BRD4: variants seen among roughly 807,000 people sequenced by gnomAD.
The protein encoded by BRD4 is bromodomain-containing protein 4.
In BRD4, 16 loss-of-function variants were observed where a neutral mutation model predicts 142.1. The observed-to-expected ratio is 0.11, with a 90% CI of 0.08 to 0.17. BRD4 has a LOEUF of 0.17. BRD4 is among the 10% of genes least tolerant of loss of function. The pLI is 1.00. For missense variants in BRD4, 1,424 were observed against 1,810.9 expected (o/e 0.79, Z 3.88); for synonymous variants, 833 against 707.5 (o/e 1.18, Z -2.82).
intron 1 of BRD4, among the ~76,000 whole-genome samples, chr19:15,290,303 T>C (rs2047772218): frequency 6.6e-6 from 1 of 152,184 alleles, no homozygotes; most frequent in Non-Finnish European, 1.5e-5. Context: ...CTAGACCATT[T>C]CAATTCTCTT....
intron 1 of BRD4, chr19:15,275,607 G>A (rs1012398332): frequency 3.3e-5 from 5 of 152,208 alleles, no homozygotes; most frequent in South Asian, 2.1e-4. Flanking sequence ...ACTGCTGGAG[G>A]TTGTCTGTTC....
At chr19:15,250,802 G>C (rs2047335648) in intron 11 of BRD4, among the ~76,000 whole-genome samples, 1 of 152,194 alleles carries the variant, frequency 6.6e-6, no homozygotes, top group Non-Finnish European at 1.5e-5. Flanking sequence ...GACATGCCCT[G>C]CCCCATGTGC....
chr19:15,296,582 A>G (rs1468480503), intron 1 of BRD4, among the ~76,000 whole-genome samples: 10 of 152,210 alleles, frequency 6.6e-5, no homozygotes, highest in Non-Finnish European at 1.5e-4. Context: ...GTGTGTCTTT[A>G]GAGAGCAGTG....
chr19:15,315,006 C>A (rs1451732404), intron 1 of BRD4, among the ~76,000 whole-genome samples: 1 of 152,132 alleles, frequency 6.6e-6, no homozygotes, highest in Non-Finnish European at 1.5e-5. Flanking sequence ...GAGTGTAGGT[C>A]TTATCCTATA....
At chr19:15,264,382 C>T (rs2047507846) in intron 6 of BRD4, 22 bp downstream of exon 6, 1 of 1,572,626 alleles carries the variant, frequency 6.4e-7, no homozygotes, top group Non-Finnish European at 8.7e-7. Flanking sequence ...CTTGTCCCTT[C>T]CCTCAGGCAC....
chr19:15,319,032 T>A (rs1039955298), intron 1 of BRD4, among the ~76,000 whole-genome samples: 1 of 152,136 alleles, frequency 6.6e-6, no homozygotes, highest in Non-Finnish European at 1.5e-5. Flanking sequence ...TCTAGAAAAG[T>A]AAGATACATG....
Position 15,332,524 on chromosome 19 carries a change from C to CCGCCGCCGCCAG in BRD4, c.-270_-269insCTGGCGGCGGCG, listed in dbSNP as rs1555749921. 9 of 165,010 alleles carry CCGCCGCCGCCAG rather than the reference C, an allele frequency of 5.5e-5. No homozygotes were observed. Among genetic ancestry groups the CCGCCGCCGCCAG allele is most frequent in the Non-Finnish European group, 4.9e-5 (4 of 81,444 alleles). 10.2% of individuals were successfully genotyped at this position (165,010 alleles called of 1,614,324 possible). On this transcript the variant is annotated 5_prime_UTR_variant, in exon 1 of 20. Coordinates refer to ENST00000679869, the MANE Select transcript of BRD4 (RefSeq NM_001379291.1). ...CCAGCCGCCGCCGCCGCCGCCGCCG[C>CCGCCGCCGCCAG]CGCCGCCAGCGCACTGACGTCACCG...
intron 11 of BRD4, chr19:15,248,228 T>C (rs551949673): frequency 4.6e-6 from 1 of 219,232 alleles, no homozygotes; most frequent in Non-Finnish European, 9.2e-6. Flanking sequence ...AAAAGCCTAT[T>C]TGTGTCTCTG....
chr19:15,250,337 C>G (rs551616702), intron 11 of BRD4, among the ~76,000 whole-genome samples: 1 of 152,158 alleles, frequency 6.6e-6, no homozygotes, highest in South Asian at 2.1e-4. Flanking sequence ...CCTAGGTAAG[C>G]GCCACACTCT....
chr19:15,262,524 TAAAAAA>T (rs559468375), intron 7 of BRD4, among the ~76,000 whole-genome samples: 2 of 97,802 alleles, frequency 2.0e-5, no homozygotes, highest in Admixed American at 1.1e-4. Flanking sequence ...CCCATCTCTT[TAAAAAA>T]AAAAAAAAAA....
chr19:15,255,703 C>T (rs748335736), intron 9 of BRD4, 111 bp from the exon 10 acceptor site: 380 of 1,341,000 alleles, frequency 2.8e-4, no homozygotes, highest in Admixed American at 5.7e-4. Context: ...ATACCCCCCA[C>T]CCACCAGCCT....
rs1568376474 is a variant in BRD4, at chr19:15,240,065, ACTG to A, written c.3170-46_3170-44del. On this transcript the variant is annotated intron_variant, in intron 14 of 19. Coordinates refer to ENST00000679869, the MANE Select transcript of BRD4 (RefSeq NM_001379291.1). The stretch of plus-strand genomic sequence containing the variant: ...GAATGTGTCAAGGGGCTGGCTTAGA[ACTG>A]CTGGCCCTGAGAGAATTGTCGGGAA... 7 of 1,567,954 alleles carry A rather than the reference ACTG, an allele frequency of 4.5e-6. No homozygotes were observed. In the Middle Eastern group the frequency reaches 1.2e-3, roughly 269 times the overall value.
In BRD4 at chr19:15,237,329, CTG is replaced by C. The variant is rs997888639; in HGVS notation, c.*1046_*1047del. On this transcript the variant is annotated 3_prime_UTR_variant, in exon 20 of 20. Coordinates refer to ENST00000679869, the MANE Select transcript of BRD4 (RefSeq NM_001379291.1). ...AAAAATAGACTAATAAAGTTTGAAA[CTG>C]AGTAAAATATAGGCAGGATTTTTTT... 1.1e-5 allele frequency: 2 copies of C among 188,594 alleles called. No homozygotes were observed. Among genetic ancestry groups the C allele is most frequent in the African/African-American group, 2.6e-5 (1 of 38,972 alleles). 11.7% of individuals were successfully genotyped at this position (188,594 alleles called of 1,614,324 possible).
rs199512390 is a variant in BRD4, at chr19:15,237,494, C to G, written c.*883G>C. 2.2e-5 allele frequency: 5 copies of G among 226,798 alleles called. No individual in the cohort carries two copies. Among genetic ancestry groups the G allele is most frequent in the Non-Finnish European group, 4.4e-5 (5 of 114,126 alleles). 14.0% of individuals were successfully genotyped at this position (226,798 alleles called of 1,614,324 possible). ...AGTACAGCCACGGTCACACACTACC[C>G]ACAGCGCGGTGGCAGCCGCTGCTCA... On this transcript the variant is annotated 3_prime_UTR_variant, in exon 20 of 20. Transcript: ENST00000679869.
chr19:15,324,199 T>A (rs1446663240), intron 1 of BRD4, among the ~76,000 whole-genome samples: 1 of 151,820 alleles, frequency 6.6e-6, no homozygotes, highest in Non-Finnish European at 1.5e-5. Context: ...GGCTAACACA[T>A]GCCTGGGGAG....
At chr19:15,262,062 C>G (rs2047477232) in intron 7 of BRD4, among the ~76,000 whole-genome samples, 1 of 152,186 alleles carries the variant, frequency 6.6e-6, no homozygotes, top group Admixed American at 6.5e-5. Flanking sequence ...AAGGCAGCCC[C>G]TGATCCACAG....
At chr19:15,319,225 T>C (rs951405717) in intron 1 of BRD4, among the ~76,000 whole-genome samples, 1 of 151,880 alleles carries the variant, frequency 6.6e-6, no homozygotes, top group African/African-American at 2.4e-5. Flanking sequence ...ATCTCAGAAC[T>C]CTGGGAGGCC....
chr19:15,299,808 G>C (rs2047852845), intron 1 of BRD4, among the ~76,000 whole-genome samples: 1 of 152,212 alleles, frequency 6.6e-6, no homozygotes. Flanking sequence ...CTTACGGCAA[G>C]TGGCCACCCA....
intron 11 of BRD4, among the ~76,000 whole-genome samples, chr19:15,252,270 T>TGAG (rs1276165719): frequency 6.6e-6 from 1 of 152,182 alleles, no homozygotes; most frequent in Non-Finnish European, 1.5e-5. Flanking sequence ...TCTTGTCTTG[T>TGAG]GAGGGCTAAA....
Sources: gnomAD v4.1 joint callset for allele counts (sites outside exome capture counted in the v4.1 genomes callset) on GRCh38, gnomAD v4.1.1 for gene constraint, MANE v1.5 for transcripts, NCBI Gene and HGNC (gene_info 2026-07-23, HGNC 2026-07-21) for gene names.